GALNT13: variants seen among roughly 807,000 people sequenced by gnomAD.
GALNT13 encodes the protein UDP-GalNAc:polypeptide N-acetylgalactosaminyltransferase 13.
Under a neutral mutation model 64.2 loss-of-function variants are expected in GALNT13, and 28 were observed. That is an observed-to-expected ratio of 0.44 (90% confidence interval 0.32 to 0.60). The LOEUF (loss-of-function observed/expected upper bound fraction) is 0.60, where lower values mean the gene tolerates loss of function less well. GALNT13 is among the 20% of genes least tolerant of loss of function. The probability of loss-of-function intolerance (pLI) is 0.05; values close to 1 mark genes in which losing one functional copy is unlikely to be tolerated. For synonymous variants in GALNT13, 214 were observed against 224.6 expected (o/e 0.95, Z 0.42); for missense variants, 577 against 669.8 (o/e 0.86, Z 1.53).
At chr2:153,269,369 T>C in the GALNT13 span, among the ~76,000 whole-genome samples, 1 of 152,170 alleles carries the variant, frequency 6.6e-6, no homozygotes, top group Admixed American at 6.5e-5. Flanking sequence ...GCCACCAGTC[T>C]CTTTGCTAAA....
the GALNT13 span, among the ~76,000 whole-genome samples, chr2:153,572,111 C>T: frequency 2.0e-5 from 3 of 151,574 alleles, no homozygotes; most frequent in Non-Finnish European, 3.0e-5. Flanking sequence ...GTTATCCCTT[C>T]GATCTCATTA....
rs60950180 is a variant in GALNT13, at chr2:154,014,635, C to CTTTTTTTTTTTTTT, written c.142+69998_142+70011dup. 5.4e-3 allele frequency among the ~76,000 whole-genome samples: 416 copies of CTTTTTTTTTTTTTT among 77,152 alleles called. 47 individuals carry two copies. The highest frequency in any genetic ancestry group is 0.012 in the Middle Eastern group (1 of 82). 50.6% of individuals were successfully genotyped at this position (77,152 alleles called of 152,430 possible). ...ACTTTTTGTCTTTCTGATAATTCTC[C>CTTTTTTTTTTTTTT]TTTTTTTTTTTTTTTGAGACGGAGT... On this transcript the variant is annotated intron_variant, in intron 3 of 12. Coordinates refer to ENST00000392825, the MANE Select transcript of GALNT13 (RefSeq NM_052917.4).
chr2:153,411,255 T>A, the GALNT13 span, among the ~76,000 whole-genome samples: 1 of 151,954 alleles, frequency 6.6e-6, no homozygotes, highest in East Asian at 1.9e-4. Context: ...ATCAAGTACT[T>A]ATTGAATACC....
chr2:153,502,091 T>G, the GALNT13 span, among the ~76,000 whole-genome samples: 2 of 152,166 alleles, frequency 1.3e-5, no homozygotes, highest in African/African-American at 4.8e-5. Context: ...TTATTTAAAT[T>G]TATTTTTATA....
chr2:154,143,934 C>A (rs1683416985), intron 4 of GALNT13, among the ~76,000 whole-genome samples: 1 of 150,536 alleles, frequency 6.6e-6, no homozygotes, highest in Non-Finnish European at 1.5e-5. Context: ...AAAAAAGGAT[C>A]CCTTGGCATA....
the GALNT13 span, among the ~76,000 whole-genome samples, chr2:153,128,290 A>G: frequency 6.6e-6 from 1 of 152,178 alleles, no homozygotes; most frequent in Non-Finnish European, 1.5e-5. Flanking sequence ...GAGGCCTCAC[A>G]ATCACGGTGG....
chr2:154,292,600 CT>C (rs1692707868), intron 8 of GALNT13, among the ~76,000 whole-genome samples: 2 of 152,272 alleles, frequency 1.3e-5, no homozygotes, highest in South Asian at 4.1e-4. Context: ...GGTCACCCAG[CT>C]AGTAAGTTGC....
At chr2:153,122,390 T>G in the GALNT13 span, among the ~76,000 whole-genome samples, 1 of 152,302 alleles carries the variant, frequency 6.6e-6, no homozygotes, top group South Asian at 2.1e-4. Flanking sequence ...TTTACAAATG[T>G]TAATTCTAAG....
At chr2:154,390,473 C>T (rs1181797608) in intron 9 of GALNT13, among the ~76,000 whole-genome samples, 9 of 152,252 alleles carry the variant, frequency 5.9e-5, no homozygotes, top group Non-Finnish European at 8.8e-5. Context: ...AGTGAGAGCA[C>T]GTGGTATGTG....
chr2:153,632,871 G>C, the GALNT13 span, among the ~76,000 whole-genome samples: 2 of 152,020 alleles, frequency 1.3e-5, no homozygotes, highest in Non-Finnish European at 2.9e-5. Flanking sequence ...TCCTGTCTCA[G>C]CTTCCCAAGT....
chr2:153,856,096 A>G, the GALNT13 span, among the ~76,000 whole-genome samples: 1 of 152,178 alleles, frequency 6.6e-6, no homozygotes, highest in African/African-American at 2.4e-5. Context: ...GGGATTACAG[A>G]TGAATATGGA....
At chr2:153,505,072 T>G in the GALNT13 span, among the ~76,000 whole-genome samples, 1 of 152,194 alleles carries the variant, frequency 6.6e-6, no homozygotes, top group Non-Finnish European at 1.5e-5. Context: ...GTTATTGGCC[T>G]GTTCAGAGTT....
chr2:153,391,086 A>G, the GALNT13 span, among the ~76,000 whole-genome samples: 1 of 151,984 alleles, frequency 6.6e-6, no homozygotes, highest in African/African-American at 2.4e-5. Flanking sequence ...AAAGCACTCC[A>G]GGCAGAAGGA....
chr2:153,614,112 G>T, the GALNT13 span, among the ~76,000 whole-genome samples: 1 of 152,098 alleles, frequency 6.6e-6, no homozygotes, highest in South Asian at 2.1e-4. Context: ...CTAGGTAGAG[G>T]TGAGTTATAA....
At chr2:154,243,058 A>G (rs1323355413) in intron 6 of GALNT13, among the ~76,000 whole-genome samples, 153 bp downstream of exon 6, 2 of 152,236 alleles carry the variant, frequency 1.3e-5, no homozygotes, top group Non-Finnish European at 2.9e-5. Context: ...TGCTTGATAA[A>G]TAAGACTGCT....
chr2:153,656,453 C>T, the GALNT13 span, among the ~76,000 whole-genome samples: 5 of 151,944 alleles, frequency 3.3e-5, no homozygotes, highest in Non-Finnish European at 5.9e-5. Context: ...AGCTGTGAGT[C>T]GCCTGAGAAT....
the GALNT13 span, among the ~76,000 whole-genome samples, chr2:153,797,000 G>GT: frequency 1.2e-4 from 18 of 152,088 alleles, no homozygotes; most frequent in African/African-American, 4.3e-4. Context: ...CTTTAGTCAC[G>GT]TTTTTTGATA....
chr2:153,640,031 C>T, the GALNT13 span, among the ~76,000 whole-genome samples: 1 of 152,060 alleles, frequency 6.6e-6, no homozygotes, highest in Non-Finnish European at 1.5e-5. Context: ...CTAGTAGGAA[C>T]GTAGGGTGAA....
chr2:153,851,513 G>A, the GALNT13 span, among the ~76,000 whole-genome samples: 2 of 151,370 alleles, frequency 1.3e-5, no homozygotes, highest in African/African-American at 4.9e-5. Context: ...GCCATCCTAG[G>A]CAACATAGTG....
Sources: gnomAD v4.1 joint callset for allele counts (sites outside exome capture counted in the v4.1 genomes callset) on GRCh38, gnomAD v4.1.1 for gene constraint, MANE v1.5 for transcripts, NCBI Gene and HGNC (gene_info 2026-07-23, HGNC 2026-07-21) for gene names.